CFAP54: variants seen among roughly 807,000 people sequenced by gnomAD.
CFAP54 encodes the protein cilia and flagella associated protein 54, also known as cilia- and flagella-associated protein 54.
Under a neutral mutation model 370.4 loss-of-function variants are expected in CFAP54, and 290 were observed. The observed-to-expected ratio is 0.78, with a 90% CI of 0.71 to 0.86. The LOEUF (loss-of-function observed/expected upper bound fraction) is 0.86, where lower values mean the gene tolerates loss of function less well. Ranked by LOEUF, CFAP54 falls within the 40% of genes least tolerant of loss-of-function variation. The pLI, the probability that CFAP54 is intolerant of heterozygous loss-of-function variation, is 0.00. For synonymous variants in CFAP54, 1,206 were observed against 1,236.5 expected, an observed-to-expected ratio of 0.98 and a Z score of 0.52; for missense variants, 3,399 against 3,528.7, an observed-to-expected ratio of 0.96 and a Z score of 0.93.
At position 96,718,429 on chromosome 12, in the gene CFAP54, T is replaced by G. The variant is rs370369642; in HGVS notation, c.6725-14T>G. 7.5e-7 allele frequency: 1 copy of G among 1,330,156 alleles called. No individual in the cohort carries two copies. The highest frequency in any genetic ancestry group is 1.1e-6 in the Non-Finnish European group (1 of 929,068). 82.4% of individuals were successfully genotyped at this position (1,330,156 alleles called of 1,614,324 possible). On this transcript the variant is annotated splice_polypyrimidine_tract_variant and intron_variant, in intron 48 of 67. Transcript: ENST00000524981. ...AGATATCCTTGGTCCTTCCAAAATT[T>G]TGTGTCTTTATAGAGATATATTCAA...
intron 1 of CFAP54, among the ~76,000 whole-genome samples, chr12:96,499,461 A>G (rs1954998954): frequency 6.6e-6 from 1 of 152,234 alleles, no homozygotes; most frequent in African/African-American, 2.4e-5. Flanking sequence ...GAACACCGAC[A>G]ACACCAAATG....
chr12:96,806,251 AAGGCTGTTTTATTG>A, intron 63 of CFAP54, among the ~76,000 whole-genome samples: 1 of 136,710 alleles, frequency 7.3e-6, no homozygotes, highest in Non-Finnish European at 1.6e-5. Context: ...AAATAAAACA[AAGGCTGTTTTATTG>A]AGTGCAGTTG....
At chr12:96,506,386 A>G (rs1199508141) in intron 3 of CFAP54, among the ~76,000 whole-genome samples, 1 of 150,650 alleles carries the variant, frequency 6.6e-6, no homozygotes, top group Non-Finnish European at 1.5e-5. Context: ...TGGTAATAGG[A>G]TTTGTTTTTC....
intron 12 of CFAP54, among the ~76,000 whole-genome samples, chr12:96,536,539 G>C (rs1460476275): frequency 6.6e-6 from 1 of 152,072 alleles, no homozygotes; most frequent in Non-Finnish European, 1.5e-5. Context: ...AATTATTACA[G>C]TGGGAGAGCT....
At position 96,609,384 on chromosome 12, in the gene CFAP54, A is replaced by C. The variant is rs77820534; in HGVS notation, c.3639+10617A>C. Among the ~76,000 whole-genome samples the C allele has an allele frequency of 8.3e-3, 1,272 of 152,372 alleles. 24 individuals carry two copies. Among genetic ancestry groups the C allele is most frequent in the African/African-American group, 0.03 (1,228 of 41,594 alleles). On this transcript the variant is annotated intron_variant, in intron 26 of 67. Transcript: ENST00000524981. The stretch of plus-strand genomic sequence containing the variant: ...GCCACAAAGGCATTTGATAACACTT[A>C]GTAACCTTTCCTAATAAAATTTCTA...
chr12:96,616,076 C>T (rs569435147), intron 26 of CFAP54, among the ~76,000 whole-genome samples: 453 of 152,188 alleles, frequency 3.0e-3, no homozygotes, highest in African/African-American at 0.01. Flanking sequence ...ATGTTTATTG[C>T]GGCACTATTC....
Position 96,573,143 on chromosome 12 carries a change from T to G in CFAP54, c.2620-3442T>G, listed in dbSNP as rs76142083. Reference sequence around the variant, plus strand: ...AGACATAATCCCGAGGAAGGATATGTCTCCAAATTTCCAAGGGAAGTGGGG... The same window carrying G: ...AGACATAATCCCGAGGAAGGATATGGCTCCAAATTTCCAAGGGAAGTGGGG... On this transcript the variant is annotated intron_variant, in intron 19 of 67. Transcript: ENST00000524981. The G allele has an allele frequency of 2.8e-5, 19 of 686,382 alleles. 1 individual carries two copies. In the East Asian group the frequency reaches 2.5e-3, roughly 92 times the overall value. 42.5% of individuals were successfully genotyped at this position (686,382 alleles called of 1,614,324 possible).
chr12:96,823,422 T>C (rs1278484571), intron 65 of CFAP54, among the ~76,000 whole-genome samples: 3 of 152,192 alleles, frequency 2.0e-5, no homozygotes. Context: ...AACTTCTAGT[T>C]GGAGACCTGT....
At chr12:96,499,772 C>T (rs1955003517) in intron 1 of CFAP54, among the ~76,000 whole-genome samples, 1 of 152,022 alleles carries the variant, frequency 6.6e-6, no homozygotes, top group Admixed American at 6.6e-5. Flanking sequence ...ATGGTGAAAC[C>T]CTGTCTCTAC....
chr12:96,603,786 A>G (rs1448120470), intron 26 of CFAP54, among the ~76,000 whole-genome samples: 4 of 152,102 alleles, frequency 2.6e-5, no homozygotes, highest in African/African-American at 9.7e-5. Context: ...CAGTTCTTGT[A>G]CTGTGGTTTT....
chr12:96,837,626 A>C (rs1281746246), intron 66 of CFAP54, among the ~76,000 whole-genome samples: 1 of 152,224 alleles, frequency 6.6e-6, no homozygotes, highest in Admixed American at 6.5e-5. Context: ...AAATGTTCAA[A>C]AAAAGTTTGT....
At chr12:96,823,242 C>A (rs1385378610) in intron 65 of CFAP54, among the ~76,000 whole-genome samples, 1 of 152,076 alleles carries the variant, frequency 6.6e-6, no homozygotes, top group African/African-American at 2.4e-5. Context: ...AAATTAAGGC[C>A]ATGTTTCCTT....
intron 39 of CFAP54, among the ~76,000 whole-genome samples, chr12:96,664,414 A>C (rs1321782356): frequency 6.6e-6 from 1 of 152,066 alleles, no homozygotes; most frequent in East Asian, 1.9e-4. Flanking sequence ...TCATTTCCTA[A>C]GGATAATGAC....
chr12:96,569,355 A>T (rs192129460), intron 19 of CFAP54, among the ~76,000 whole-genome samples: 2 of 152,312 alleles, frequency 1.3e-5, no homozygotes, highest in Admixed American at 1.3e-4. Flanking sequence ...TCCAGTCTTG[A>T]GTAGAGGGAT....
At chr12:96,590,550 G>A (rs564957770) in intron 23 of CFAP54, among the ~76,000 whole-genome samples, 3 of 152,196 alleles carry the variant, frequency 2.0e-5, no homozygotes, top group African/African-American at 2.4e-5. Flanking sequence ...CAGGCAAGGC[G>A]TTGATAATTC....
rs1490552585 is a variant in CFAP54 at position 96,748,536 on chromosome 12, TC to T, written c.7684+4391del. Among the ~76,000 whole-genome samples, 4 of 152,288 alleles carry T rather than the reference TC, an allele frequency of 2.6e-5. No homozygotes were observed. In the East Asian group the frequency reaches 7.7e-4, roughly 29 times the overall value. Reference sequence around the variant, plus strand: ...TTCTCTTTCTTTTTAAGTGTTTTCCTCAGATTATATTCTGATTCCATGTTCT... The same window carrying T: ...TTCTCTTTCTTTTTAAGTGTTTTCCTAGATTATATTCTGATTCCATGTTCT... On this transcript the variant is annotated intron_variant, in intron 55 of 67. Transcript: ENST00000524981.
At chr12:96,850,134 T>G (rs1959494975) in intron 66 of CFAP54, among the ~76,000 whole-genome samples, 1 of 151,012 alleles carries the variant, frequency 6.6e-6, no homozygotes, top group African/African-American at 2.4e-5. Flanking sequence ...ATCCCAGCAC[T>G]TTGGGAGGCC....
intron 14 of CFAP54, among the ~76,000 whole-genome samples, chr12:96,547,487 C>T (rs1262061486): frequency 1.3e-5 from 2 of 152,024 alleles, no homozygotes; most frequent in East Asian, 3.9e-4. Context: ...CACCTGGCCT[C>T]TGAAAGATTT....
At chr12:96,571,249 A>AT (rs1293847896) in intron 19 of CFAP54, among the ~76,000 whole-genome samples, 1 of 152,200 alleles carries the variant, frequency 6.6e-6, no homozygotes, top group Admixed American at 6.5e-5. Flanking sequence ...GGCAGGTTTC[A>AT]TTTTCTCTAA....
Sources: allele counts gnomAD v4.1 joint callset (sites outside exome capture counted in the v4.1 genomes callset), GRCh38; gene constraint gnomAD v4.1.1; transcripts MANE v1.5; gene names NCBI Gene and HGNC (gene_info 2026-07-23, HGNC 2026-07-21).